Variants in ATP6V0A4 observed in about 807,000 individuals in gnomAD.
ATP6V0A4 encodes the protein ATPase H+ transporting V0 subunit a4, also known as V-type proton ATPase 116 kDa subunit a 4.
In ATP6V0A4, 86 loss-of-function variants were observed where a neutral mutation model predicts 107.3. The observed-to-expected ratio is 0.80, with a 90% CI of 0.67 to 0.96. The LOEUF (loss-of-function observed/expected upper bound fraction) is 0.96, where lower values mean the gene tolerates loss of function less well. ATP6V0A4 is among the 40% of genes least tolerant of loss of function. The pLI is 0.00. For synonymous variants in ATP6V0A4, 353 were observed against 381.4 expected (o/e 0.93, Z 0.87); for missense variants, 908 against 1,045.6 (o/e 0.87, Z 1.81).
rs771780082 is a variant in ATP6V0A4, at chr7:138,771,259, C to G, written c.-12G>C. ...AACACAGACACCATCTTGGCCCAGC[C>G]TCGGTCTACAGGAGAAAAAGAAAAA... On this transcript the variant is annotated 5_prime_UTR_variant, in exon 3 of 22. Transcript: ENST00000310018. 4.3e-6 allele frequency: 7 copies of G among 1,612,782 alleles called. No individual in the cohort carries two copies. Among genetic ancestry groups the G allele is most frequent in the Middle Eastern group, 1.6e-4 (1 of 6,080 alleles).
intron 2 of ATP6V0A4, among the ~76,000 whole-genome samples, chr7:138,776,874 C>T (rs928825689): frequency 2.0e-5 from 3 of 152,138 alleles, no homozygotes; most frequent in Non-Finnish European, 4.4e-5. Flanking sequence ...AGGCTGGACG[C>T]GGTGGCTCAC....
At chr7:138,744,299 G>A (rs1805793086) in intron 14 of ATP6V0A4, among the ~76,000 whole-genome samples, 1 of 147,640 alleles carries the variant, frequency 6.8e-6, no homozygotes, top group African/African-American at 2.5e-5. Flanking sequence ...GTGCAATGGT[G>A]TGATCTCGGC....
Position 138,734,313 on chromosome 7 carries a change from G to A in ATP6V0A4, c.1573-59C>T, listed in dbSNP as rs1805193209. Reference sequence around the variant, plus strand: ...AGAGAGTCTTAGAAGTTCTACTGGAGTTGAGGGCTACAGCACAACTTTCCC... The same window carrying A: ...AGAGAGTCTTAGAAGTTCTACTGGAATTGAGGGCTACAGCACAACTTTCCC... On this transcript the variant is annotated intron_variant, in intron 15 of 21. Transcript: ENST00000310018. The A allele has an allele frequency of 2.5e-6, 4 of 1,606,952 alleles. No homozygotes were observed. The African/African-American group carries it at 4.0e-5, about 16-fold the overall frequency.
chr7:138,758,460 A>G (rs1806617356), intron 8 of ATP6V0A4, among the ~76,000 whole-genome samples: 1 of 152,148 alleles, frequency 6.6e-6, no homozygotes, highest in Non-Finnish European at 1.5e-5. Flanking sequence ...TTTCATTAAA[A>G]TTAATTTTTT....
chr7:138,781,151 TAG>T (rs1289692058), intron 2 of ATP6V0A4, among the ~76,000 whole-genome samples: 2 of 152,222 alleles, frequency 1.3e-5, no homozygotes, highest in African/African-American at 4.8e-5. Flanking sequence ...GACACAAGGC[TAG>T]AGAGTTGATA....
rs1383599711 is a variant in ATP6V0A4, at chr7:138,749,313, A to G, written c.1034T>C (p.Leu345Pro). The G allele has an allele frequency of 6.7e-7, 1 of 1,484,606 alleles. No homozygotes were observed. The highest frequency in any genetic ancestry group is 1.5e-5 in the African/African-American group (1 of 68,854). The allele number at this position is 1,484,606 out of a possible 1,614,324, so 92.0% of individuals were successfully genotyped here. A position where few individuals can be genotyped will look rare whatever the true frequency, so the allele number is the denominator to read the frequency against. Reference protein sequence around the residue: ...IKRALEQGMELSGSSMAPIMT... With the variant: ...IKRALEQGMEPSGSSMAPIMT... ...GATGGGGGCCATGGAGGAGCCACTT[A>G]GTTCCTGGAAAAAAAAAAAAAAGCG... Residue 345 changes from leucine (L) to proline (P), a missense_variant, in exon 12 of 22, where the codon CTA becomes CCA. By Grantham distance (98) the Leu-to-Pro change is moderately conservative. Coordinates refer to ENST00000310018, the MANE Select transcript of ATP6V0A4 (RefSeq NM_020632.3).
chr7:138,718,469 GATGGC>G (rs1804231860), intron 19 of ATP6V0A4, among the ~76,000 whole-genome samples: 2 of 80,684 alleles, frequency 2.5e-5, no homozygotes, highest in Admixed American at 1.3e-4. Flanking sequence ...GAATGGGGGG[GATGGC>G]GGGGAGGGTG....
At position 138,771,261 on chromosome 7, in the gene ATP6V0A4, C is replaced by T. The variant is rs200819076; in HGVS notation, c.-14G>A. 536 of 1,612,454 alleles carry T rather than the reference C, an allele frequency of 3.3e-4. 3 individuals carry two copies. In the African/African-American group the frequency reaches 6.5e-3, roughly 19 times the overall value. On this transcript the variant is annotated 5_prime_UTR_variant, in exon 3 of 22. Coordinates refer to ENST00000310018, the MANE Select transcript of ATP6V0A4 (RefSeq NM_020632.3). ...CACAGACACCATCTTGGCCCAGCCTCGGTCTACAGGAGAAAAAGAAAAAGA... is the reference window on the plus strand; with the variant it reads ...CACAGACACCATCTTGGCCCAGCCTTGGTCTACAGGAGAAAAAGAAAAAGA...
chr7:138,734,388 T>C (rs1805197503), intron 15 of ATP6V0A4, 134 bp from the exon 16 acceptor site: 4 of 1,430,854 alleles, frequency 2.8e-6, no homozygotes, highest in African/African-American at 1.4e-5. Context: ...TCCAGCTCAA[T>C]GCATACATTT....
At chr7:138,751,073 C>T (rs1294185176) in intron 11 of ATP6V0A4, among the ~76,000 whole-genome samples, 3 of 152,138 alleles carry the variant, frequency 2.0e-5, no homozygotes, top group East Asian at 1.9e-4. Context: ...TCAGATAACA[C>T]GAGATCTGCC....
At chr7:138,766,984 C>T (rs1807122945) in intron 5 of ATP6V0A4, among the ~76,000 whole-genome samples, 1 of 152,200 alleles carries the variant, frequency 6.6e-6, no homozygotes, top group Non-Finnish European at 1.5e-5. Context: ...TCAATAAAAA[C>T]AGCACATCAC....
At chr7:138,709,836 C>T (rs776797167) in intron 20 of ATP6V0A4, 41 bp from the exon 21 acceptor site, 4 of 1,605,550 alleles carry the variant, frequency 2.5e-6, no homozygotes, top group Non-Finnish European at 3.4e-6. Flanking sequence ...CTTGTAAATG[C>T]AGATTGTTAT....
chr7:138,728,676 C>T (rs1400041797), intron 18 of ATP6V0A4, 85 bp downstream of exon 18: 24 of 1,582,282 alleles, frequency 1.5e-5, no homozygotes, highest in East Asian at 2.2e-5. Context: ...CAGCCCAGGA[C>T]GATTCTCTCT....
chr7:138,764,306 C>T (rs1248394390), intron 5 of ATP6V0A4, among the ~76,000 whole-genome samples: 1 of 151,750 alleles, frequency 6.6e-6, no homozygotes, highest in Non-Finnish European at 1.5e-5. Flanking sequence ...TTACACAGGG[C>T]GACAGACACA....
intron 18 of ATP6V0A4, among the ~76,000 whole-genome samples, chr7:138,724,025 CA>C (rs202234657): frequency 0.24 from 31,017 of 131,600 alleles, 3,481 homozygotes; most frequent in Non-Finnish European, 0.27. Flanking sequence ...TCCCATCTCT[CA>C]AAAAAAAAAA....
chr7:138,782,417 T>C (rs1461348656), intron 2 of ATP6V0A4, among the ~76,000 whole-genome samples: 2 of 152,202 alleles, frequency 1.3e-5, no homozygotes, highest in Non-Finnish European at 2.9e-5. Flanking sequence ...GCAAAGACCC[T>C]GTTTCCAAAT....
intron 15 of ATP6V0A4, among the ~76,000 whole-genome samples, chr7:138,738,662 A>T (rs1805466362): frequency 6.6e-6 from 1 of 152,186 alleles, no homozygotes; most frequent in Non-Finnish European, 1.5e-5. Flanking sequence ...GGCAAAATTC[A>T]TGTTTTTATA....
intron 19 of ATP6V0A4, 33 bp from the exon 20 acceptor site, chr7:138,715,914 G>T: frequency 6.2e-7 from 1 of 1,608,956 alleles, no homozygotes; most frequent in South Asian, 1.1e-5. Flanking sequence ...TTACTTCATT[G>T]AGAATTTTCT....
intron 15 of ATP6V0A4, among the ~76,000 whole-genome samples, chr7:138,734,683 C>A (rs1805216647): frequency 6.7e-6 from 1 of 148,418 alleles, no homozygotes; most frequent in Non-Finnish European, 1.5e-5. Context: ...GAGGCTGAGG[C>A]AGGAGAACCG....
Sources: gnomAD v4.1 joint callset for allele counts (sites outside exome capture counted in the v4.1 genomes callset) on GRCh38, gnomAD v4.1.1 for gene constraint, MANE v1.5 for transcripts, NCBI Gene and HGNC (gene_info 2026-07-23, HGNC 2026-07-21) for gene names.